BRAF: variants seen among roughly 807,000 people sequenced by gnomAD.
BRAF encodes B-Raf proto-oncogene, serine/threonine kinase.
In BRAF, 16 loss-of-function variants were observed where a neutral mutation model predicts 104.6. The observed-to-expected ratio is 0.15, with a 90% CI of 0.10 to 0.23. The LOEUF (loss-of-function observed/expected upper bound fraction) is 0.23. Among genes scored for constraint, BRAF ranks in the 10% least tolerant of loss-of-function variants. BRAF has a pLI of 1.00. For synonymous variants in BRAF, 310 were observed against 341.6 expected (o/e 0.91, Z 1.02); for missense variants, 541 against 937.3 (o/e 0.58, Z 5.52).
At chr7:140,775,909 T>C (rs1800297122) in intron 14 of BRAF, among the ~76,000 whole-genome samples, 1 of 152,230 alleles carries the variant, frequency 6.6e-6, no homozygotes, top group African/African-American at 2.4e-5. Flanking sequence ...ACTTACTTGC[T>C]AGGAGCAATA....
intron 2 of BRAF, among the ~76,000 whole-genome samples, chr7:140,845,119 T>C (rs1417885120): frequency 1.3e-5 from 2 of 152,178 alleles, no homozygotes; most frequent in Non-Finnish European, 2.9e-5. Flanking sequence ...GCATATATAG[T>C]CAAATGGTTT....
In BRAF at chr7:140,721,131, C is replaced by T. The variant is rs1429116939; in HGVS notation, c.*5363G>A. 9.4e-7 allele frequency: 1 copy of T among 1,063,944 alleles called. No individual in the cohort carries two copies. The highest frequency in any genetic ancestry group is 1.1e-6 in the Non-Finnish European group (1 of 878,114). 65.9% of individuals were successfully genotyped at this position (1,063,944 alleles called of 1,614,324 possible). A position where few individuals can be genotyped will look rare whatever the true frequency, so the allele number is the denominator to read the frequency against. On this transcript the variant is annotated 3_prime_UTR_variant, in exon 20 of 20. Coordinates refer to ENST00000644969, the MANE Select transcript of BRAF (RefSeq NM_001374258.1). ...CACTGGCTTACATTGGCTGTGTCCT[C>T]ATACACACTCGTCAAGTCACTATAA...
rs200252604 is a variant in BRAF at position 140,834,902 on chromosome 7, C to A, written c.241-30G>T. The A allele has an allele frequency of 8.2e-5, 133 of 1,613,228 alleles. 2 individuals are homozygous for A. The South Asian group carries it at 8.8e-4, about 11-fold the overall frequency. On this transcript the variant is annotated intron_variant, in intron 2 of 19. Coordinates refer to ENST00000644969, the MANE Select transcript of BRAF (RefSeq NM_001374258.1). Reference sequence around the variant, plus strand: ...AAAATAAAGCAGACTTATATTCAATCCGGACTTTGTCCTGACATTAACAAA... The same window carrying A: ...AAAATAAAGCAGACTTATATTCAATACGGACTTTGTCCTGACATTAACAAA...
intron 10 of BRAF, among the ~76,000 whole-genome samples, chr7:140,784,499 T>C (rs1265880629): frequency 6.6e-6 from 1 of 152,204 alleles, no homozygotes; most frequent in Non-Finnish European, 1.5e-5. Flanking sequence ...CATCCCATTC[T>C]ATGGATTTTC....
Position 140,782,031 on chromosome 7 carries a change from G to A in BRAF, c.1435-338C>T, listed in dbSNP as rs6952069. On this transcript the variant is annotated intron_variant, in intron 11 of 19. Transcript: ENST00000644969. ...CCCATTAACTTGTCATTTACATTAG[G>A]TATTTCTCTTAATGCTGTCCCTCTC... Among the ~76,000 whole-genome samples the A allele has an allele frequency of 7.6e-3, 1,157 of 152,008 alleles. 17 individuals are homozygous for A. The highest frequency in any genetic ancestry group is 0.026 in the African/African-American group (1,093 of 41,460).
Position 140,924,457 on chromosome 7 carries a change from G to A in BRAF, c.138+109C>T. 2 of 1,472,180 alleles carry A rather than the reference G, an allele frequency of 1.4e-6. No homozygotes were observed. The highest frequency in any genetic ancestry group is 1.8e-6 in the Non-Finnish European group (2 of 1,093,732). The allele number at this position is 1,472,180 out of a possible 1,614,324, so 91.2% of individuals were successfully genotyped here. A position where few individuals can be genotyped will look rare whatever the true frequency, so the allele number is the denominator to read the frequency against. ...CTCCCAGCCCGCGGAGCTGGCCCGA[G>A]AAGGTGGCTGAGGGCATCAAGCCCC... On this transcript the variant is annotated intron_variant, in intron 1 of 19. Transcript: ENST00000644969. The surrounding 1 kb of genome is among the most constrained non-coding windows in gnomAD (Gnocchi z 4.2).
chr7:140,779,687 C>T (rs989056795), intron 12 of BRAF: 3 of 152,214 alleles, frequency 2.0e-5, no homozygotes, highest in African/African-American at 7.2e-5. Context: ...AATCCCAGCA[C>T]TTTGGAAGGC....
chr7:140,720,809 A>C lies in BRAF; in HGVS notation c.*5685T>G. On this transcript the variant is annotated 3_prime_UTR_variant, in exon 20 of 20. Coordinates refer to ENST00000644969, the MANE Select transcript of BRAF (RefSeq NM_001374258.1). ...ACTTAACACAAAAATGCAACGCAGT[A>C]ATTTTCAAAACAAAACCAGGACTAA... is the stretch of plus-strand genomic sequence containing the variant. The C allele has an allele frequency of 2.3e-5, 25 of 1,066,146 alleles. No individual in the cohort carries two copies. The highest frequency in any genetic ancestry group is 2.8e-5 in the Non-Finnish European group (25 of 879,798). 66.0% of individuals were successfully genotyped at this position (1,066,146 alleles called of 1,614,324 possible). A position where few individuals can be genotyped will look rare whatever the true frequency, so the allele number is the denominator to read the frequency against.
chr7:140,719,548 C>T lies in BRAF; in HGVS notation c.*6946G>A. 1 of 1,049,328 alleles carries T rather than the reference C, an allele frequency of 9.5e-7. No homozygotes were observed. The highest frequency in any genetic ancestry group is 4.6e-5 in the South Asian group (1 of 21,714). 65.0% of individuals were successfully genotyped at this position (1,049,328 alleles called of 1,614,324 possible). A position where few individuals can be genotyped will look rare whatever the true frequency, so the allele number is the denominator to read the frequency against. On this transcript the variant is annotated 3_prime_UTR_variant, in exon 20 of 20. Transcript: ENST00000644969. ...TATACAAATTTACATGAGAAAAACT[C>T]CAAAGTACAAATGAAGGGACCTGAG...
At chr7:140,822,535 C>G (rs1185539340) in intron 3 of BRAF, 1 of 152,158 alleles carries the variant, frequency 6.6e-6, no homozygotes, top group South Asian at 2.1e-4. Flanking sequence ...AATTTTAAAA[C>G]GTGTAATCAT....
At position 140,719,850 on chromosome 7, in the gene BRAF, T is replaced by C. The variant is rs1333111040; in HGVS notation, c.*6644A>G. On this transcript the variant is annotated 3_prime_UTR_variant, in exon 20 of 20. Coordinates refer to ENST00000644969, the MANE Select transcript of BRAF (RefSeq NM_001374258.1). The stretch of plus-strand genomic sequence containing the variant: ...GACTCCACGAGAACCTTTTCAATGC[T>C]TGAGTGGAACTGAAGTGTACTAAAC... 6.6e-6 allele frequency: 7 copies of C among 1,062,954 alleles called. No individual in the cohort carries two copies. Among genetic ancestry groups the C allele is most frequent in the Non-Finnish European group, 8.0e-6 (7 of 877,878 alleles). 65.8% of individuals were successfully genotyped at this position (1,062,954 alleles called of 1,614,324 possible). A position where few individuals can be genotyped will look rare whatever the true frequency, so the allele number is the denominator to read the frequency against.
intron 3 of BRAF, among the ~76,000 whole-genome samples, chr7:140,830,639 A>G (rs1324384861): frequency 6.6e-6 from 1 of 152,196 alleles, no homozygotes; most frequent in East Asian, 1.9e-4. Flanking sequence ...TTTCAGCCCC[A>G]TCCACCAACC....
chr7:140,895,378 A>G (rs774884408), intron 1 of BRAF, among the ~76,000 whole-genome samples: 11 of 152,222 alleles, frequency 7.2e-5, no homozygotes, highest in Non-Finnish European at 1.6e-4. Context: ...GTCACCAAGC[A>G]TAACAGAAGC....
intron 10 of BRAF, among the ~76,000 whole-genome samples, chr7:140,784,811 A>T (rs926778169): frequency 6.6e-6 from 1 of 151,694 alleles, no homozygotes; most frequent in African/African-American, 2.4e-5. Context: ...TGCCTAGCTA[A>T]TTTTTTTTGT....
chr7:140,915,309 A>T (rs1817496248), intron 1 of BRAF, among the ~76,000 whole-genome samples: 1 of 152,132 alleles, frequency 6.6e-6, no homozygotes, highest in African/African-American at 2.4e-5. Flanking sequence ...TTTTATTTCA[A>T]TTAAGCAGTT....
chr7:140,886,809 C>T (rs779606586), intron 1 of BRAF, among the ~76,000 whole-genome samples: 4 of 152,146 alleles, frequency 2.6e-5, no homozygotes, highest in African/African-American at 4.8e-5. Flanking sequence ...TAATGAACAT[C>T]TGATTGCAGA....
At position 140,721,848 on chromosome 7, in the gene BRAF, A is replaced by C; in HGVS notation, c.*4646T>G. 1 of 1,334,046 alleles carries C rather than the reference A, an allele frequency of 7.5e-7. No individual in the cohort carries two copies. Among genetic ancestry groups the C allele is most frequent in the Non-Finnish European group, 9.6e-7 (1 of 1,045,326 alleles). 82.6% of individuals were successfully genotyped at this position (1,334,046 alleles called of 1,614,324 possible). ...TTGAGACCTCCACCCTGGCCCCCAC[A>C]GCGCTTTGGGACAGGATGACTAACG... On this transcript the variant is annotated 3_prime_UTR_variant, in exon 20 of 20. Coordinates refer to ENST00000644969, the MANE Select transcript of BRAF (RefSeq NM_001374258.1).
chr7:140,919,125 A>G (rs1182151680), intron 1 of BRAF, among the ~76,000 whole-genome samples: 2 of 148,170 alleles, frequency 1.3e-5, no homozygotes, highest in African/African-American at 5.1e-5. Flanking sequence ...CCAGTCTGCG[A>G]GACAGAGCGA....
At chr7:140,764,966 A>G (rs1372400622) in intron 14 of BRAF, among the ~76,000 whole-genome samples, 1 of 152,192 alleles carries the variant, frequency 6.6e-6, no homozygotes, top group African/African-American at 2.4e-5. Flanking sequence ...TTCATATGGA[A>G]CCAAAAAAGA....
Sources: allele counts gnomAD v4.1 joint callset (sites outside exome capture counted in the v4.1 genomes callset), GRCh38; gene constraint gnomAD v4.1.1; non-coding constraint Gnocchi (gnomAD v3.1); transcripts MANE v1.5; gene names NCBI Gene and HGNC (gene_info 2026-07-23, HGNC 2026-07-21).